Variants in PTMA observed in about 807,000 individuals in gnomAD.
PTMA encodes gene sequence 28.
Under a neutral mutation model 16.9 loss-of-function variants are expected in PTMA, and 4 were observed. That is an observed-to-expected ratio of 0.24 (90% CI 0.12 to 0.54). The LOEUF (loss-of-function observed/expected upper bound fraction) is 0.54. Among genes scored for constraint, PTMA ranks in the 20% least tolerant of loss-of-function variants. The pLI is 0.95. For missense variants in PTMA, 120 were observed against 137.7 expected (o/e 0.87, Z 0.64); for synonymous variants, 58 against 47.9 (o/e 1.21, Z -0.87).
In PTMA at chr2:231,711,407, T is replaced by A; in HGVS notation, c.105T>A (p.Ala35=). The change falls in exon 2 of 5, where the codon GCT becomes GCA. Residue 35 remains alanine, a synonymous_variant. Transcript: ENST00000409115. ...CAGAAAATGGAAGAGACGCCCCTGC[T>A]AACGGGAATGCTGTGAGTGTCTGCT... ...EEAENGRDAP[A]NGNANEENGE... 1 of 1,614,168 alleles carries A rather than the reference T, an allele frequency of 6.2e-7. No individual in the cohort carries two copies. The highest frequency in any genetic ancestry group is 8.5e-7 in the Non-Finnish European group (1 of 1,179,974).
intron 1 of PTMA, among the ~76,000 whole-genome samples, chr2:231,708,958 G>A (rs1575348777): frequency 6.6e-6 from 1 of 152,332 alleles, no homozygotes; most frequent in East Asian, 1.9e-4. Flanking sequence ...CGTGATGCCC[G>A]TCGGGGAGTG....
At chr2:231,711,525 A>G in intron 2 of PTMA, 106 bp downstream of exon 2, 1 of 1,033,224 alleles carries the variant, frequency 9.7e-7, no homozygotes, top group South Asian at 1.4e-5. Flanking sequence ...GTATATGTAT[A>G]GCTTTGCACA....
chr2:231,710,485 C>T (rs1318059841), intron 1 of PTMA: 2 of 1,020,770 alleles, frequency 2.0e-6, no homozygotes, highest in Non-Finnish European at 2.5e-6. Flanking sequence ...GTCCGCGGAG[C>T]GGAGCGGGGC....
chr2:231,709,357 T>G (rs1473456524), intron 1 of PTMA, among the ~76,000 whole-genome samples: 1 of 151,920 alleles, frequency 6.6e-6, no homozygotes, highest in Non-Finnish European at 1.5e-5. Context: ...GACGGGCTTA[T>G]CCGCTTTGGG....
intron 2 of PTMA, 125 bp from the exon 3 acceptor site, chr2:231,711,765 G>GGGCTT (rs1258359696): frequency 1.4e-4 from 210 of 1,511,114 alleles, no homozygotes; most frequent in Non-Finnish European, 1.8e-4. Context: ...TCTCTGGGGT[G>GGGCTT]GGCTTGGCTT....
chr2:231,712,790 CTT>C lies in PTMA; in HGVS notation c.286-12_286-11del. ...TGGGGTTGGAGGGGCCTTTGACAGTCTTTCTCTGCTTAGGATGACGATGTCGA... is the reference window on the plus strand; with the variant it reads ...TGGGGTTGGAGGGGCCTTTGACAGTCTCTCTGCTTAGGATGACGATGTCGA... On this transcript the variant is annotated splice_polypyrimidine_tract_variant and intron_variant, in intron 4 of 4. Coordinates refer to ENST00000409115, the MANE Select transcript of PTMA (RefSeq NM_002823.5). 1.3e-6 allele frequency: 2 copies of C among 1,591,674 alleles called. No individual in the cohort carries two copies. The highest frequency in any genetic ancestry group is 8.6e-7 in the Non-Finnish European group (1 of 1,169,182).
At chr2:231,712,077 G>T in intron 3 of PTMA, 94 bp downstream of exon 3, 1 of 1,537,958 alleles carries the variant, frequency 6.5e-7, no homozygotes, top group Non-Finnish European at 8.7e-7. Flanking sequence ...CCTGGGAGTG[G>T]GACAATGGTA....
At chr2:231,711,476 T>G (rs2106244716) in intron 2 of PTMA, 57 bp downstream of exon 2, 1 of 1,530,250 alleles carries the variant, frequency 6.5e-7, no homozygotes, top group East Asian at 2.2e-5. Flanking sequence ...AAATTTTTCC[T>G]GTTCTACTTT....
In PTMA at chr2:231,710,125, C is replaced by T. The variant is rs73994870; in HGVS notation, c.46-1223C>T. The T allele has an allele frequency of 1.6e-3, 2,027 of 1,246,834 alleles. 24 individuals are homozygous for T. The African/African-American group carries it at 0.021, about 13-fold the overall frequency. 77.2% of individuals were successfully genotyped at this position (1,246,834 alleles called of 1,614,324 possible). A position where few individuals can be genotyped will look rare whatever the true frequency, so the allele number is the denominator to read the frequency against. On this transcript the variant is annotated intron_variant, in intron 1 of 4. Transcript: ENST00000409115. ...GAGGCGCATCCCCGACAGTCTCGGA[C>T]CTACGCAGCCCGGTGGACTTTGGGG...
At chr2:231,711,209 C>T in intron 1 of PTMA, 139 bp from the exon 2 acceptor site, 1 of 686,252 alleles carries the variant, frequency 1.5e-6, no homozygotes, top group South Asian at 1.8e-5. Context: ...ACCGCAGGGG[C>T]ATCAGGCCTT....
chr2:231,708,582 T>A lies in PTMA; in HGVS notation c.-125T>A. 8.4e-7 allele frequency: 1 copy of A among 1,187,002 alleles called. No homozygotes were observed. The allele number at this position is 1,187,002 out of a possible 1,614,324, so 73.5% of individuals were successfully genotyped here. ...CATTGTTCCTCATCCGCCTCCTTGCTCGCCGCAGCCGCCTCCGCCGCGCGC... is the reference window on the plus strand; with the variant it reads ...CATTGTTCCTCATCCGCCTCCTTGCACGCCGCAGCCGCCTCCGCCGCGCGC... On this transcript the variant is annotated 5_prime_UTR_variant, in exon 1 of 5. Transcript: ENST00000409115.
rs1302858792 is a variant in PTMA, at chr2:231,710,070, T to A, written c.46-1278T>A. ...TTTCTCCGAAGCACCAAAAGGTGAC[T>A]TCCCGCGAGGGCGATGAGTAGTAGC... On this transcript the variant is annotated intron_variant, in intron 1 of 4. Coordinates refer to ENST00000409115, the MANE Select transcript of PTMA (RefSeq NM_002823.5). The A allele has an allele frequency of 2.4e-6, 3 of 1,229,956 alleles. 1 individual carries two copies. The Admixed American group carries it at 1.3e-4, about 52-fold the overall frequency. 76.2% of individuals were successfully genotyped at this position (1,229,956 alleles called of 1,614,324 possible). A position where few individuals can be genotyped will look rare whatever the true frequency, so the allele number is the denominator to read the frequency against.
rs2048471641 is a variant in PTMA, at chr2:231,708,657, C to G, written c.-50C>G. 10 of 1,597,278 alleles carry G rather than the reference C, an allele frequency of 6.3e-6. No individual in the cohort carries two copies. Among genetic ancestry groups the G allele is most frequent in the East Asian group, 2.2e-5 (1 of 44,824 alleles). On this transcript the variant is annotated 5_prime_UTR_variant, in exon 1 of 5. Coordinates refer to ENST00000409115, the MANE Select transcript of PTMA (RefSeq NM_002823.5). ...CAGCTTTATCGCCAGAGTCCCTGAA[C>G]TCTCGCTTTCTTTTTAATCCCCTGC...
intron 3 of PTMA, 22 bp downstream of exon 3, chr2:231,712,005 C>T (rs763939031): frequency 1.3e-6 from 2 of 1,554,690 alleles, no homozygotes; most frequent in South Asian, 1.2e-5. Context: ...TGTCTATCTT[C>T]CCCTTTTCAG....
chr2:231,711,758 C>T (rs892153423), intron 2 of PTMA, 132 bp from the exon 3 acceptor site: 34 of 1,492,258 alleles, frequency 2.3e-5, no homozygotes, highest in Admixed American at 9.5e-5. Context: ...AGAAGGGTCT[C>T]TGGGGTGGGC....
intron 1 of PTMA, chr2:231,710,069 C>T (rs1035486420): frequency 4.1e-5 from 51 of 1,229,818 alleles, no homozygotes; most frequent in Admixed American, 8.5e-5. Flanking sequence ...CAAAAGGTGA[C>T]TTCCCGCGAG....
In PTMA at chr2:231,713,143, T is replaced by G. The variant is rs1045983455; in HGVS notation, c.*292T>G. On this transcript the variant is annotated 3_prime_UTR_variant, in exon 5 of 5. Coordinates refer to ENST00000409115, the MANE Select transcript of PTMA (RefSeq NM_002823.5). The stretch of plus-strand genomic sequence containing the variant: ...TATTTTTTATTTACATTTTATATTT[T>G]TGTACATATTGTTAGGGTCAGCCAT... 2 of 435,002 alleles carry G rather than the reference T, an allele frequency of 4.6e-6. No homozygotes were observed. The highest frequency in any genetic ancestry group is 8.9e-6 in the Non-Finnish European group (2 of 224,654). The allele number at this position is 435,002 out of a possible 1,614,324, so 26.9% of individuals were successfully genotyped here.
At chr2:231,708,797 C>T (rs2048473893) in intron 1 of PTMA, 46 bp downstream of exon 1, 3 of 1,588,908 alleles carry the variant, frequency 1.9e-6, no homozygotes, top group Middle Eastern at 1.7e-4. Flanking sequence ...CGCGCCGCCG[C>T]TCGGGCGGTG....
intron 1 of PTMA, chr2:231,710,146 T>TG (rs773489195): frequency 1.5e-5 from 19 of 1,257,324 alleles, no homozygotes; most frequent in African/African-American, 3.1e-5. Flanking sequence ...CGGTGGACTT[T>TG]GGGGCGACCT....
Sources: allele counts gnomAD v4.1 joint callset (sites outside exome capture counted in the v4.1 genomes callset), GRCh38; gene constraint gnomAD v4.1.1; transcripts MANE v1.5; gene names NCBI Gene and HGNC (gene_info 2026-07-23, HGNC 2026-07-21).